STAG2: variants seen among roughly 807,000 people sequenced by gnomAD.
The protein encoded by STAG2 is cohesin subunit SA-2.
A neutral mutation model predicts 108.1 loss-of-function variants in STAG2; 14 were observed. The observed-to-expected ratio is 0.13, with a 90% CI of 0.09 to 0.20. The LOEUF (loss-of-function observed/expected upper bound fraction) is 0.20. Ranked by LOEUF, STAG2 falls within the 10% of genes least tolerant of loss-of-function variation. STAG2 has a pLI of 1.00. For synonymous variants in STAG2, 307 were observed against 302.7 expected (o/e 1.01, Z -0.15); for missense variants, 440 against 940.9 (o/e 0.47, Z 6.96).
chrX:124,072,441 TG>T (rs1223577174), intron 25 of STAG2, among the ~76,000 whole-genome samples: 1 of 111,498 alleles, frequency 9.0e-6, no homozygotes, highest in East Asian at 2.8e-4. Context: ...TCAACACAAA[TG>T]AGAAACCCAG....
At chrX:124,046,724 G>GT (rs201468358) in intron 8 of STAG2, among the ~76,000 whole-genome samples, 1,523 of 111,621 alleles carry the variant, frequency 0.014, 23 homozygotes, top group African/African-American at 0.047. Context: ...TCTGGAGGAA[G>GT]TTTTATGAAA....
Position 124,048,991 on chromosome X carries a change from G to A in STAG2, c.820-14G>A, listed in dbSNP as rs375417568. On this transcript the variant is annotated splice_polypyrimidine_tract_variant and intron_variant, in intron 9 of 34. Coordinates refer to ENST00000371145, the MANE Select transcript of STAG2 (RefSeq NM_001042750.2). Reference sequence around the variant, plus strand: ...TCCTTTACAATTGAAAAGAAATGATGTGTTTTTTTACAGCTTCAGGAAAAT... The same window carrying A: ...TCCTTTACAATTGAAAAGAAATGATATGTTTTTTTACAGCTTCAGGAAAAT... 2 of 1,165,252 alleles carry A rather than the reference G, an allele frequency of 1.7e-6. No individual in the cohort carries two copies. Among genetic ancestry groups the A allele is most frequent in the South Asian group, 1.8e-5 (1 of 54,842 alleles).
intron 13 of STAG2, among the ~76,000 whole-genome samples, chrX:124,055,499 G>C (rs1018701145): frequency 8.9e-6 from 1 of 112,657 alleles, no homozygotes; most frequent in African/African-American, 3.2e-5. Flanking sequence ...CCTTAATGAT[G>C]ATGATTTATC....
At chrX:123,967,211 A>T in intron 1 of STAG2, among the ~76,000 whole-genome samples, 1 of 104,167 alleles carries the variant, frequency 9.6e-6, no homozygotes, top group Non-Finnish European at 2.0e-5. Flanking sequence ...ATTGTTTTCC[A>T]TTCCTTCTGC....
chrX:124,050,306 T>C lies in STAG2; in HGVS notation c.1014T>C (p.Asp338=), dbSNP rs755412065. The C allele has an allele frequency of 2.8e-5, 34 of 1,203,808 alleles. No individual in the cohort carries two copies. The highest frequency in any genetic ancestry group is 8.8e-5 in the Admixed American group (4 of 45,202). The change falls in exon 11 of 35, where the codon GAT becomes GAC. Residue 338 remains aspartate (D), a synonymous_variant. Coordinates refer to ENST00000371145, the MANE Select transcript of STAG2 (RefSeq NM_001042750.2). The part of the protein sequence containing the change: ...YLKYVGWTMH[D]KQGEVRLKCL... ...AATATGTTGGTTGGACTATGCATGATAAGGTAAGATGTGCCCTTCAGACTG... is the reference window on the plus strand; with the variant it reads ...AATATGTTGGTTGGACTATGCATGACAAGGTAAGATGTGCCCTTCAGACTG...
At chrX:124,061,684 C>CT in intron 16 of STAG2, 87 bp from the exon 17 acceptor site, 1 of 676,739 alleles carries the variant, frequency 1.5e-6, no homozygotes, top group Non-Finnish European at 2.1e-6. Flanking sequence ...GCAGAAGAAA[C>CT]TGTTATGTAA....
At chrX:124,094,411 G>C (rs145651703) in intron 33 of STAG2, among the ~76,000 whole-genome samples, 436 of 111,287 alleles carry the variant, frequency 3.9e-3, no homozygotes, top group Non-Finnish European at 7.2e-3. Context: ...GGTATATTTT[G>C]ATTAATACTA....
At chrX:124,022,992 GTT>G (rs1370069213) in intron 3 of STAG2, among the ~76,000 whole-genome samples, 1 of 112,256 alleles carries the variant, frequency 8.9e-6, no homozygotes, top group African/African-American at 3.2e-5. Flanking sequence ...TAAAAATAAA[GTT>G]TTCTCATTAG....
At chrX:124,042,800 T>C (rs1221564356) in intron 7 of STAG2, among the ~76,000 whole-genome samples, 155 bp downstream of exon 7, 1 of 110,288 alleles carries the variant, frequency 9.1e-6, no homozygotes, top group African/African-American at 3.3e-5. Flanking sequence ...TCACCTGAGG[T>C]CAGGAGTTCG....
intron 1 of STAG2, among the ~76,000 whole-genome samples, chrX:124,013,319 ACACAAAC>A (rs1234658980): frequency 2.1e-5 from 2 of 97,143 alleles, no homozygotes; most frequent in Non-Finnish European, 4.2e-5. Context: ...ACACACACAC[ACACAAAC>A]ACACACACAC....
intron 29 of STAG2, among the ~76,000 whole-genome samples, chrX:124,083,789 G>T (rs187455177): frequency 2.7e-5 from 3 of 111,912 alleles, no homozygotes. Context: ...CACGTAATTT[G>T]AATACTTTAT....
rs2148312622 is a variant in STAG2 at position 124,061,872 on chromosome X, A to G, written c.1636A>G (p.Arg546Gly). 8.7e-7 allele frequency: 1 copy of G among 1,154,924 alleles called. No homozygotes were observed. The highest frequency in any genetic ancestry group is 1.2e-6 in the Non-Finnish European group (1 of 857,824). The change falls in exon 17 of 35, where the codon AGG becomes GGG. Residue 546 changes from arginine (R) to glycine (G), a missense_variant and splice_region_variant. Physicochemically the swap from Arg to Gly is moderately radical, Grantham distance 125. Coordinates refer to ENST00000371145, the MANE Select transcript of STAG2 (RefSeq NM_001042750.2). ...HPPVGRGTGK[R>G]VLTAKEKKTQ... ...TCCCGTGGGAAGAGGGACAGGAAAA[A>G]GGGTATGCCAATCAATGTCTTTTCA...
At chrX:123,970,035 C>T (rs2054289449) in intron 1 of STAG2, among the ~76,000 whole-genome samples, 1 of 99,291 alleles carries the variant, frequency 1.0e-5, no homozygotes, top group African/African-American at 3.8e-5. Flanking sequence ...GACTTATGAC[C>T]TAAGATAAAT....
chrX:124,050,367 C>T, intron 11 of STAG2, 58 bp downstream of exon 11: 1 of 1,120,884 alleles, frequency 8.9e-7, no homozygotes, highest in African/African-American at 1.8e-5. Context: ...GTCTGCACCT[C>T]TCATTCATGA....
At chrX:124,078,198 T>C (rs1033943710) in intron 27 of STAG2, 140 bp downstream of exon 27, 2 of 429,456 alleles carry the variant, frequency 4.7e-6, no homozygotes, top group Non-Finnish European at 7.8e-6. Context: ...AGTGAGATTA[T>C]TTTTTTGCTT....
Position 123,961,830 on chromosome X carries a change from C to A in STAG2, c.-189C>A. ...TGGGGAAGGCGATTGGCATCGATCT[C>A]TCCATCCCTTCCGAGGCCCGACTTC... On this transcript the variant is annotated 5_prime_UTR_variant, in exon 1 of 35. Transcript: ENST00000371145. The A allele has an allele frequency of 8.8e-6, 1 of 113,515 alleles. No individual in the cohort carries two copies. 9.4% of individuals were successfully genotyped at this position (113,515 alleles called of 1,213,427 possible). A position where few individuals can be genotyped will look rare whatever the true frequency, so the allele number is the denominator to read the frequency against.
At chrX:124,070,980 C>T (rs1050630222) in intron 24 of STAG2, among the ~76,000 whole-genome samples, 169 bp from the exon 25 acceptor site, 7 of 111,937 alleles carry the variant, frequency 6.3e-5, no homozygotes, top group African/African-American at 1.9e-4. Flanking sequence ...ATAAATTATA[C>T]TTCGCAGCTT....
intron 1 of STAG2, among the ~76,000 whole-genome samples, chrX:123,968,188 T>A (rs1221941550): frequency 8.9e-6 from 1 of 112,111 alleles, no homozygotes; most frequent in South Asian, 3.7e-4. Flanking sequence ...CATGAGCCAC[T>A]ACACCCAGCT....
chrX:124,037,432 C>T, intron 5 of STAG2, 95 bp from the exon 6 acceptor site: 1 of 370,128 alleles, frequency 2.7e-6, no homozygotes, highest in Non-Finnish European at 4.5e-6. Flanking sequence ...TAATGTGATA[C>T]TATATAATCT....
Sources: gnomAD v4.1 joint callset for allele counts (sites outside exome capture counted in the v4.1 genomes callset) on GRCh38, gnomAD v4.1.1 for gene constraint, MANE v1.5 for transcripts, NCBI Gene and HGNC (gene_info 2026-07-23, HGNC 2026-07-21) for gene names.